CERS6: variants seen among roughly 807,000 people sequenced by gnomAD.
CERS6 encodes LAG1 homolog, ceramide synthase 6.
In CERS6, 26 loss-of-function variants were observed where a neutral mutation model predicts 56.8. The ratio of observed to expected loss-of-function variants is 0.46; its 90% CI spans 0.34 to 0.63. The LOEUF (loss-of-function observed/expected upper bound fraction) is 0.63, where lower values mean the gene tolerates loss of function less well. CERS6 is among the 30% of genes least tolerant of loss of function. The pLI is 0.01. For missense variants in CERS6, 415 were observed against 467.5 expected, an observed-to-expected ratio of 0.89 and a Z score of 1.04; for synonymous variants, 164 against 173.3, an observed-to-expected ratio of 0.95 and a Z score of 0.42.
intron 3 of CERS6, among the ~76,000 whole-genome samples, chr2:168,614,525 G>T (rs2105276975): frequency 6.6e-6 from 1 of 152,334 alleles, no homozygotes; most frequent in Non-Finnish European, 1.5e-5. Context: ...TGGTGCTGTT[G>T]TGGGGTGCAT....
intron 8 of CERS6, among the ~76,000 whole-genome samples, chr2:168,741,870 G>A (rs1256407305): frequency 6.6e-6 from 1 of 152,168 alleles, no homozygotes; most frequent in African/African-American, 2.4e-5. Flanking sequence ...GGAAATAACA[G>A]AAGTTCCAGG....
Position 168,552,249 on chromosome 2 carries a change from G to A in CERS6, c.276+4548G>A, listed in dbSNP as rs568374530. 4.0e-5 allele frequency among the ~76,000 whole-genome samples: 6 copies of A among 151,772 alleles called. No homozygotes were observed. The Middle Eastern group carries it at 0.017, about 430-fold the overall frequency. ...TTGTAATATATAAATGTTTATGTGA[G>A]TCTCCATTATTCATTTCTTTGCCTG... On this transcript the variant is annotated intron_variant, in intron 2 of 9. Transcript: ENST00000305747.
chr2:168,649,577 A>G (rs1574128835), intron 4 of CERS6, among the ~76,000 whole-genome samples: 1 of 152,248 alleles, frequency 6.6e-6, no homozygotes, highest in East Asian at 1.9e-4. Context: ...TAACCAAGAA[A>G]AGCTTTGGCT....
chr2:168,652,296 CT>C (rs1428210516), intron 4 of CERS6, among the ~76,000 whole-genome samples: 1 of 152,056 alleles, frequency 6.6e-6, no homozygotes, highest in Non-Finnish European at 1.5e-5. Flanking sequence ...CAAGTTGGTA[CT>C]CAAAATATTG....
chr2:168,591,336 A>G (rs757942006), intron 3 of CERS6, among the ~76,000 whole-genome samples: 1 of 152,220 alleles, frequency 6.6e-6, no homozygotes, highest in Non-Finnish European at 1.5e-5. Context: ...CACATCATGA[A>G]GTTTCATGTT....
At chr2:168,520,384 G>T (rs910999479) in intron 1 of CERS6, among the ~76,000 whole-genome samples, 1 of 151,974 alleles carries the variant, frequency 6.6e-6, no homozygotes, top group East Asian at 1.9e-4. Flanking sequence ...TAGGTTGTCT[G>T]TTTACTCTAT....
chr2:168,500,330 CAAG>C (rs1394592723), intron 1 of CERS6, among the ~76,000 whole-genome samples: 1 of 152,092 alleles, frequency 6.6e-6, no homozygotes, highest in Admixed American at 6.6e-5. Flanking sequence ...CAAATTAAAA[CAAG>C]GGGTGGTCAT....
chr2:168,765,648 G>A lies in CERS6; in HGVS notation c.902G>A (p.Trp301Ter). 6.2e-7 allele frequency: 1 copy of A among 1,614,130 alleles called. No individual in the cohort carries two copies. The highest frequency in any genetic ancestry group is 8.5e-7 in the Non-Finnish European group (1 of 1,179,986). The stretch of plus-strand genomic sequence containing the variant: ...GAGATCGTTGGACCTTACCCTTCCT[G>A]GTGGGTTTTTAACCTACTGCTATTG... The part of the protein sequence containing the change: ...SWEIVGPYPS[W>*]WVFNLLLLLV... The change falls in exon 9 of 10, where the codon TGG becomes TAG. Residue 301 changes from tryptophan (W) to a stop codon, truncating the protein, a stop_gained. Coordinates refer to ENST00000305747, the MANE Select transcript of CERS6 (RefSeq NM_203463.3). LOFTEE classifies it high-confidence loss of function.
chr2:168,638,685 C>A (rs1435827406), intron 4 of CERS6, among the ~76,000 whole-genome samples: 1 of 152,086 alleles, frequency 6.6e-6, no homozygotes, highest in African/African-American at 2.4e-5. Context: ...TAGTGGTATG[C>A]CATACTTTGA....
At chr2:168,755,969 A>G (rs1362502115) in intron 8 of CERS6, among the ~76,000 whole-genome samples, 2 of 152,176 alleles carry the variant, frequency 1.3e-5, no homozygotes, top group African/African-American at 4.8e-5. Flanking sequence ...TCTCTAAGGG[A>G]AGGGGAAAAG....
At chr2:168,477,362 T>C (rs1442100431) in intron 1 of CERS6, among the ~76,000 whole-genome samples, 1 of 152,228 alleles carries the variant, frequency 6.6e-6, no homozygotes, top group African/African-American at 2.4e-5. Context: ...TCCATAGCCA[T>C]GTGTCTCTAC....
At chr2:168,543,467 T>TAAA (rs10653060) in intron 1 of CERS6, among the ~76,000 whole-genome samples, 1 of 147,824 alleles carries the variant, frequency 6.8e-6, no homozygotes, top group African/African-American at 2.5e-5. Flanking sequence ...GAACTGGCAT[T>TAAA]AAAAAAAAAT....
chr2:168,655,979 C>T (rs1200945811), intron 4 of CERS6, among the ~76,000 whole-genome samples: 1 of 152,172 alleles, frequency 6.6e-6, no homozygotes, highest in Non-Finnish European at 1.5e-5. Context: ...TTGTAAACCT[C>T]AAATATTACA....
chr2:168,767,587 G>A (rs1684756305), intron 9 of CERS6, among the ~76,000 whole-genome samples: 1 of 152,190 alleles, frequency 6.6e-6, no homozygotes, highest in Admixed American at 6.5e-5. Context: ...GTATTGGAGT[G>A]AGGTTCACTT....
In CERS6 at chr2:168,771,850, C is replaced by T. The variant is rs566168348; in HGVS notation, c.*2188C>T. ...AAATGGGGTCTGTCATTAGCAAAGGCAAATCTAAGCAATCATTTTTCCCCC... is the reference window on the plus strand; with the variant it reads ...AAATGGGGTCTGTCATTAGCAAAGGTAAATCTAAGCAATCATTTTTCCCCC... On this transcript the variant is annotated 3_prime_UTR_variant, in exon 10 of 10. Transcript: ENST00000305747. 1.5e-4 allele frequency: 23 copies of T among 152,138 alleles called. No homozygotes were observed. The highest frequency in any genetic ancestry group is 2.8e-4 in the Non-Finnish European group (19 of 68,018). The allele number at this position is 152,138 out of a possible 1,614,324, so 9.4% of individuals were successfully genotyped here.
intron 8 of CERS6, among the ~76,000 whole-genome samples, chr2:168,761,059 G>T (rs1001132308): frequency 2.6e-5 from 4 of 152,082 alleles, no homozygotes; most frequent in African/African-American, 4.8e-5. Flanking sequence ...GCCCGGCCGG[G>T]TTTACTGTTT....
chr2:168,663,331 A>T (rs1461587043), intron 4 of CERS6, among the ~76,000 whole-genome samples: 3 of 152,226 alleles, frequency 2.0e-5, no homozygotes, highest in Non-Finnish European at 4.4e-5. Context: ...TAAAATACAC[A>T]AAAGGTCATA....
chr2:168,586,555 A>T (rs1044457360), intron 3 of CERS6, among the ~76,000 whole-genome samples: 1 of 152,190 alleles, frequency 6.6e-6, no homozygotes, highest in Non-Finnish European at 1.5e-5. Flanking sequence ...GACTGTGTTT[A>T]TTGGAAATAT....
chr2:168,735,969 A>G (rs112269346), intron 8 of CERS6, among the ~76,000 whole-genome samples: 5 of 151,766 alleles, frequency 3.3e-5, no homozygotes, highest in African/African-American at 9.6e-5. Context: ...ACTTTGGGAC[A>G]CTGAGGCGAA....
Sources: allele counts gnomAD v4.1 joint callset (sites outside exome capture counted in the v4.1 genomes callset), GRCh38; gene constraint gnomAD v4.1.1; transcripts MANE v1.5; gene names NCBI Gene and HGNC (gene_info 2026-07-23, HGNC 2026-07-21).